EIF4E3: variants seen among roughly 807,000 people sequenced by gnomAD.
EIF4E3 encodes eukaryotic translation initiation factor 4E family member 3, also known as eukaryotic translation initiation factor 4E type 3.
Under a neutral mutation model 31.7 loss-of-function variants are expected in EIF4E3, and 26 were observed. The observed-to-expected ratio is 0.82, with a 90% CI of 0.60 to 1.14. EIF4E3 has a LOEUF of 1.14. Ranked by LOEUF, EIF4E3 falls within the 50% of genes most tolerant of loss-of-function variation. The pLI, the probability that EIF4E3 is intolerant of heterozygous loss-of-function variation, is 0.00. For missense variants in EIF4E3, 304 were observed against 270.9 expected (o/e 1.12, Z -0.86); for synonymous variants, 128 against 107.7 (o/e 1.19, Z -1.17).
At chr3:71,739,615 T>C (rs555725532) in intron 1 of EIF4E3, among the ~76,000 whole-genome samples, 320 of 152,230 alleles carry the variant, frequency 2.1e-3, no homozygotes, top group African/African-American at 6.7e-3. Flanking sequence ...AAGGATCACC[T>C]GAGCCTGGGA....
rs1429494206 is a variant in EIF4E3 at position 71,681,818 on chromosome 3, T to C, written c.*2864A>G. On this transcript the variant is annotated 3_prime_UTR_variant, in exon 7 of 7. Transcript: ENST00000425534. ...TGTGACTGTGTGCATGGTGTAGACA[T>C]GGGCTAAACTCAAGAAGAGGGGTGA... is the stretch of plus-strand genomic sequence containing the variant. The C allele has an allele frequency of 1.3e-5, 2 of 152,240 alleles. No individual in the cohort carries two copies. Among genetic ancestry groups the C allele is most frequent in the African/African-American group, 4.8e-5 (2 of 41,458 alleles). 9.4% of individuals were successfully genotyped at this position (152,240 alleles called of 1,614,324 possible). A position where few individuals can be genotyped will look rare whatever the true frequency, so the allele number is the denominator to read the frequency against.
chr3:71,684,594 T>C lies in EIF4E3; in HGVS notation c.*88A>G. ...CACTCTAAATTGACCAGCATCGGCT[T>C]CGGCAAGTCTTCTCTTCACTCTCCC... On this transcript the variant is annotated 3_prime_UTR_variant, in exon 7 of 7. Coordinates refer to ENST00000425534, the MANE Select transcript of EIF4E3 (RefSeq NM_001134651.2). The C allele has an allele frequency of 6.5e-7, 1 of 1,538,560 alleles. No homozygotes were observed. Among genetic ancestry groups the C allele is most frequent in the Non-Finnish European group, 9.0e-7 (1 of 1,117,064 alleles).
rs57732888 is a variant in EIF4E3, at chr3:71,735,768, A to AT, written c.-290-7146dup. Among the ~76,000 whole-genome samples the AT allele has an allele frequency of 4.6e-3, 676 of 146,312 alleles. 2 individuals are homozygous for AT. The highest frequency in any genetic ancestry group is 5.9e-3 in the Non-Finnish European group (389 of 66,108). On this transcript the variant is annotated intron_variant, in intron 1 of 7. Coordinates refer to the EIF4E3 transcript ENST00000295612. ...TCAAAGTAACCCAGAACATCTTTTC[A>AT]TTTTTTTTTTTTCAAGTGAAGATCA...
At chr3:71,698,336 C>A (rs1242373102) in intron 3 of EIF4E3, among the ~76,000 whole-genome samples, 1 of 152,166 alleles carries the variant, frequency 6.6e-6, no homozygotes, top group Non-Finnish European at 1.5e-5. Context: ...ACAGCTGCCA[C>A]AAGGGAAGGC....
At chr3:71,667,455 C>A in the EIF4E3 span, among the ~76,000 whole-genome samples, 2 of 152,152 alleles carry the variant, frequency 1.3e-5, no homozygotes, top group African/African-American at 4.8e-5. Context: ...GAGAAGAAGT[C>A]AAATTATCTC....
chr3:71,723,389 C>T (rs1195144933), intron 1 of EIF4E3, among the ~76,000 whole-genome samples: 2 of 152,130 alleles, frequency 1.3e-5, no homozygotes, highest in East Asian at 1.9e-4. Context: ...ATTAATACAG[C>T]CATTTCTATT....
chr3:71,741,558 C>A (rs1349360384), intron 1 of EIF4E3, among the ~76,000 whole-genome samples: 1 of 152,250 alleles, frequency 6.6e-6, no homozygotes, highest in East Asian at 1.9e-4. Flanking sequence ...AAATACAAAT[C>A]CAGAATTATA....
At chr3:71,672,666 G>T (rs572080572), downstream of EIF4E3, among the ~76,000 whole-genome samples, 3 of 152,336 alleles carry the variant, frequency 2.0e-5, no homozygotes, top group East Asian at 5.8e-4. Flanking sequence ...CCCGGCCTTT[G>T]AAGTGGAAGG....
At chr3:71,701,384 C>T (rs573703356) in intron 2 of EIF4E3, among the ~76,000 whole-genome samples, 281 of 152,162 alleles carry the variant, frequency 1.8e-3, no homozygotes, top group Middle Eastern at 3.4e-3. Flanking sequence ...CAGGCAGAGA[C>T]GAACCTGCCC....
At chr3:71,725,991 C>G (rs1464022151), upstream of EIF4E3, among the ~76,000 whole-genome samples, 1 of 152,090 alleles carries the variant, frequency 6.6e-6, no homozygotes, top group East Asian at 1.9e-4. This position sits in a 1 kb window ranked among gnomAD's most constrained non-coding sequence, Gnocchi z 6.1. Flanking sequence ...TAAAGAGACT[C>G]CAGTGCCCGC....
intron 6 of EIF4E3, among the ~76,000 whole-genome samples, chr3:71,685,267 T>C (rs1380482457): frequency 6.6e-6 from 1 of 152,172 alleles, no homozygotes; most frequent in Non-Finnish European, 1.5e-5. Flanking sequence ...ATTGCTAAGT[T>C]TTATTTTTCC....
At chr3:71,736,106 A>G (rs900034622) in intron 1 of EIF4E3, among the ~76,000 whole-genome samples, 1 of 152,212 alleles carries the variant, frequency 6.6e-6, no homozygotes, top group Non-Finnish European at 1.5e-5. Flanking sequence ...ATGAGATACC[A>G]CTATACACCT....
intron 1 of EIF4E3, among the ~76,000 whole-genome samples, chr3:71,712,592 G>A (rs916370964): frequency 3.4e-5 from 4 of 117,928 alleles, no homozygotes; most frequent in Admixed American, 1.1e-4. Context: ...ACATAGGAGA[G>A]TATATACAGG....
At chr3:71,733,198 C>T (rs75408948) in intron 1 of EIF4E3, among the ~76,000 whole-genome samples, 21,353 of 152,160 alleles carry the variant, frequency 0.14, 2,021 homozygotes, top group East Asian at 0.33. Flanking sequence ...AAAACCCGAA[C>T]GGTAGATACA....
At chr3:71,687,974 T>A (rs1330037748) in intron 6 of EIF4E3, among the ~76,000 whole-genome samples, 1 of 152,206 alleles carries the variant, frequency 6.6e-6, no homozygotes, top group Non-Finnish European at 1.5e-5. Context: ...CCCTGCTGAG[T>A]AAAGGACTGC....
chr3:71,702,392 T>G (rs1268886609), intron 2 of EIF4E3, among the ~76,000 whole-genome samples: 2 of 152,186 alleles, frequency 1.3e-5, no homozygotes, highest in Non-Finnish European at 2.9e-5. Flanking sequence ...CAAACCAAAG[T>G]TCCTGCCGTC....
intron 6 of EIF4E3, among the ~76,000 whole-genome samples, chr3:71,686,543 A>AGTGTGTGTGTGTGT (rs61264269): frequency 0.029 from 4,193 of 143,512 alleles, 89 homozygotes; most frequent in Non-Finnish European, 0.041. Flanking sequence ...TTTCACATTG[A>AGTGTGTGTGTGTGT]GTGTGTGTGT....
intron 6 of EIF4E3, among the ~76,000 whole-genome samples, chr3:71,685,711 A>G (rs1345464121): frequency 6.6e-6 from 1 of 152,206 alleles, no homozygotes; most frequent in Non-Finnish European, 1.5e-5. Context: ...ATTTTCAAAC[A>G]CTTAACGTTT....
At chr3:71,720,362 A>AT (rs953563168) in intron 1 of EIF4E3, among the ~76,000 whole-genome samples, 9 of 150,104 alleles carry the variant, frequency 6.0e-5, no homozygotes, top group South Asian at 2.1e-4. Context: ...TGCCCGGCTA[A>AT]TTTTTTTTTT....
Sources: gnomAD v4.1 joint callset for allele counts (sites outside exome capture counted in the v4.1 genomes callset) on GRCh38, gnomAD v4.1.1 for gene constraint, Gnocchi (gnomAD v3.1) non-coding constraint, MANE v1.5 for transcripts, NCBI Gene and HGNC (gene_info 2026-07-23, HGNC 2026-07-21) for gene names.